TAOK1: variants seen among roughly 807,000 people sequenced by gnomAD.
TAOK1 encodes the protein serine/threonine-protein kinase TAO1.
In TAOK1, 21 loss-of-function variants were observed where a neutral mutation model predicts 138.3. That is an observed-to-expected ratio of 0.15 (90% CI 0.11 to 0.22). The LOEUF (loss-of-function observed/expected upper bound fraction) is 0.22, where lower values mean the gene tolerates loss of function less well. TAOK1 is among the 10% of genes least tolerant of loss of function. The pLI, the probability that TAOK1 is intolerant of heterozygous loss-of-function variation, is 1.00. For missense variants in TAOK1, 651 were observed against 1,227.7 expected (o/e 0.53, Z 7.02); for synonymous variants, 361 against 398.4 (o/e 0.91, Z 1.12).
intron 1 of TAOK1, among the ~76,000 whole-genome samples, chr17:29,411,064 C>T (rs1451342167): frequency 2.7e-5 from 4 of 150,654 alleles, no homozygotes; most frequent in Non-Finnish European, 5.9e-5. Context: ...TTCTACAAAC[C>T]TACAGAAGTA....
chr17:29,455,532 C>T (rs1238525497), intron 2 of TAOK1, among the ~76,000 whole-genome samples: 1 of 150,578 alleles, frequency 6.6e-6, no homozygotes, highest in African/African-American at 2.5e-5. Context: ...TGAAAGTGAG[C>T]ATGTTGTCTT....
At chr17:29,408,405 G>C (rs1465593748) in intron 1 of TAOK1, among the ~76,000 whole-genome samples, 1 of 150,498 alleles carries the variant, frequency 6.6e-6, no homozygotes, top group Non-Finnish European at 1.5e-5. Context: ...TTTTAGAGAT[G>C]GGGTTTCGCC....
intron 15 of TAOK1, among the ~76,000 whole-genome samples, chr17:29,515,309 G>T (rs558173351): frequency 6.6e-6 from 1 of 152,028 alleles, no homozygotes; most frequent in Non-Finnish European, 1.5e-5. Flanking sequence ...ACCAAGAAGC[G>T]AGATGTTTAA....
intron 17 of TAOK1, among the ~76,000 whole-genome samples, chr17:29,527,153 G>A (rs2032025648): frequency 6.6e-6 from 1 of 151,862 alleles, no homozygotes; most frequent in Non-Finnish European, 1.5e-5. Context: ...TGGGCATGAT[G>A]ACATGCCTGT....
intron 1 of TAOK1, among the ~76,000 whole-genome samples, chr17:29,438,848 A>C (rs1906119502): frequency 6.6e-6 from 1 of 152,322 alleles, no homozygotes. Flanking sequence ...TTTAGTAATT[A>C]TTTAGTCTAC....
intron 18 of TAOK1, among the ~76,000 whole-genome samples, chr17:29,533,769 G>C (rs1393543441): frequency 2.0e-5 from 2 of 99,538 alleles, no homozygotes; most frequent in Non-Finnish European, 4.0e-5. Context: ...CAAGGAGGTT[G>C]CAGTGAGCCG....
intron 2 of TAOK1, among the ~76,000 whole-genome samples, chr17:29,456,852 G>T (rs2030390613): frequency 1.3e-5 from 2 of 149,908 alleles, no homozygotes; most frequent in African/African-American, 2.5e-5. Context: ...TCCTGCGTCA[G>T]CCCCCCAAGT....
intron 19 of TAOK1, among the ~76,000 whole-genome samples, chr17:29,537,596 A>G (rs920915486): frequency 2.6e-5 from 4 of 151,172 alleles, no homozygotes; most frequent in Non-Finnish European, 5.9e-5. Context: ...GGCTCAAGCA[A>G]TCTGTCCACC....
At chr17:29,483,137 G>C (rs1449143203) in intron 8 of TAOK1, among the ~76,000 whole-genome samples, 1 of 152,076 alleles carries the variant, frequency 6.6e-6, no homozygotes, top group Admixed American at 6.6e-5. Context: ...GAGTACAGTG[G>C]TGCAATCTCA....
chr17:29,496,887 A>T (rs1182622616), intron 11 of TAOK1, among the ~76,000 whole-genome samples: 1 of 152,064 alleles, frequency 6.6e-6, no homozygotes, highest in African/African-American at 2.4e-5. Context: ...CACCTGGCCT[A>T]CACTGTTCTA....
intron 3 of TAOK1, among the ~76,000 whole-genome samples, chr17:29,467,513 C>A (rs2030700286): frequency 6.6e-6 from 1 of 152,186 alleles, no homozygotes. Context: ...ACCTCGTGAT[C>A]TGCCCGCCTT....
intron 1 of TAOK1, among the ~76,000 whole-genome samples, chr17:29,408,542 C>A (rs1905058614): frequency 6.6e-6 from 1 of 151,788 alleles, no homozygotes; most frequent in Non-Finnish European, 1.5e-5. Context: ...TCAATTTTAC[C>A]AAGCTTTAAT....
intron 10 of TAOK1, among the ~76,000 whole-genome samples, chr17:29,494,486 A>G (rs555233977): frequency 1.3e-5 from 2 of 152,072 alleles, no homozygotes; most frequent in Non-Finnish European, 2.9e-5. Flanking sequence ...TCTTTGCATA[A>G]AAAAGAAATA....
At chr17:29,476,321 A>G (rs2030939821) in intron 4 of TAOK1, among the ~76,000 whole-genome samples, 1 of 152,194 alleles carries the variant, frequency 6.6e-6, no homozygotes, top group Admixed American at 6.5e-5. Flanking sequence ...TCATTTTAGT[A>G]TACGTACTGT....
chr17:29,399,369 G>A (rs1232387908), intron 1 of TAOK1, among the ~76,000 whole-genome samples: 2 of 152,314 alleles, frequency 1.3e-5, no homozygotes, highest in East Asian at 1.9e-4. Context: ...AGGATGGAGT[G>A]CAGTGGCACA....
intron 1 of TAOK1, among the ~76,000 whole-genome samples, chr17:29,437,834 A>AG (rs11447326): frequency 0.64 from 96,721 of 150,094 alleles, 33,014 homozygotes; most frequent in East Asian, 0.97. Flanking sequence ...CCCAGGTTCA[A>AG]CGATTCTCTT....
chr17:29,530,825 A>G (rs1035329506), intron 18 of TAOK1: 81 of 586,654 alleles, frequency 1.4e-4, no homozygotes, highest in African/African-American at 1.9e-5. Flanking sequence ...ACATTTAGAC[A>G]TGAGGTTCTA....
chr17:29,454,765 G>A (rs1215952631), intron 2 of TAOK1, among the ~76,000 whole-genome samples: 1 of 151,736 alleles, frequency 6.6e-6, no homozygotes, highest in Non-Finnish European at 1.5e-5. Flanking sequence ...GCAGTGGTGC[G>A]ATCTCGGCTC....
chr17:29,451,824 G>A (rs979224060), intron 2 of TAOK1, 144 bp downstream of exon 2: 34 of 831,162 alleles, frequency 4.1e-5, no homozygotes, highest in Middle Eastern at 3.5e-4. Flanking sequence ...GCGCGAGAGC[G>A]AGAGCGTGGG....
Sources: allele counts gnomAD v4.1 joint callset (sites outside exome capture counted in the v4.1 genomes callset), GRCh38; gene constraint gnomAD v4.1.1; transcripts MANE v1.5; gene names NCBI Gene and HGNC (gene_info 2026-07-23, HGNC 2026-07-21).